EIF4G3: variants seen among roughly 807,000 people sequenced by gnomAD.
The protein encoded by EIF4G3 is eIF-4-gamma 3.
Under a neutral mutation model 186.4 loss-of-function variants are expected in EIF4G3, and 34 were observed. The observed-to-expected ratio is 0.18, with a 90% CI of 0.14 to 0.24. The LOEUF (loss-of-function observed/expected upper bound fraction) is 0.24, where lower values mean the gene tolerates loss of function less well. Ranked by LOEUF, EIF4G3 falls within the 10% of genes least tolerant of loss-of-function variation. EIF4G3 has a pLI of 1.00. For missense variants in EIF4G3, 1,536 were observed against 1,948.5 expected (o/e 0.79, Z 3.99); for synonymous variants, 673 against 679.5 (o/e 0.99, Z 0.15).
intron 27 of EIF4G3, among the ~76,000 whole-genome samples, chr1:20,851,952 AAGTAGC>A (rs2073422342): frequency 6.6e-6 from 1 of 152,196 alleles, no homozygotes; most frequent in African/African-American, 2.4e-5. Context: ...TGCGAGGAGG[AAGTAGC>A]AGTGAGCCAA....
At chr1:20,861,578 GTATTT>G (rs2076350115) in intron 23 of EIF4G3, among the ~76,000 whole-genome samples, 1 of 151,972 alleles carries the variant, frequency 6.6e-6, no homozygotes, top group Non-Finnish European at 1.5e-5. Context: ...AGAGTTAAAG[GTATTT>G]ACTGTGGAGA....
At chr1:20,829,117 T>C (rs774567150) in intron 31 of EIF4G3, 30 bp downstream of exon 31, 4 of 1,611,288 alleles carry the variant, frequency 2.5e-6, no homozygotes, top group Middle Eastern at 3.3e-4. Flanking sequence ...TTCTACCTGA[T>C]ATATATCAAG....
intron 12 of EIF4G3, among the ~76,000 whole-genome samples, chr1:20,953,768 C>T (rs2096305008): frequency 6.6e-6 from 1 of 152,118 alleles, no homozygotes; most frequent in Non-Finnish European, 1.5e-5. Context: ...TTTTGTACTG[C>T]CCACAAGGTA....
chr1:20,916,573 C>T (rs766553676), intron 14 of EIF4G3, among the ~76,000 whole-genome samples: 10 of 151,670 alleles, frequency 6.6e-5, no homozygotes, highest in Non-Finnish European at 1.2e-4. Context: ...TTTCAACTGT[C>T]TTTTTTTTGC....
chr1:20,816,893 T>C (rs373121257), intron 34 of EIF4G3, among the ~76,000 whole-genome samples: 213 of 117,276 alleles, frequency 1.8e-3, no homozygotes, highest in Middle Eastern at 7.9e-3. Flanking sequence ...TTTTGTTCTG[T>C]ACTAAGAAAA....
intron 2 of EIF4G3, among the ~76,000 whole-genome samples, chr1:21,151,503 G>T (rs2102810104): frequency 6.6e-6 from 1 of 151,992 alleles, no homozygotes; most frequent in Middle Eastern, 3.4e-3. Context: ...CTCACAAAGT[G>T]CTGGGATTAC....
chr1:20,835,534 G>A (rs1385160788), intron 30 of EIF4G3, among the ~76,000 whole-genome samples: 1 of 151,572 alleles, frequency 6.6e-6, no homozygotes, highest in Admixed American at 6.6e-5. Context: ...TGAAAGAGGA[G>A]ATATTACAAC....
chr1:21,173,874 C>T (rs1397804274), intron 2 of EIF4G3, among the ~76,000 whole-genome samples: 1 of 152,176 alleles, frequency 6.6e-6, no homozygotes, highest in Admixed American at 6.5e-5. Context: ...AATACAAATT[C>T]CCATACTCCC....
chr1:21,034,541 A>G (rs1012087558), intron 4 of EIF4G3, among the ~76,000 whole-genome samples: 1 of 152,250 alleles, frequency 6.6e-6, no homozygotes, highest in Admixed American at 6.5e-5. Flanking sequence ...ATTTATCACT[A>G]TAAAACAGAA....
At position 20,816,098 on chromosome 1, in the gene EIF4G3, T is replaced by TG. The variant is rs542594807; in HGVS notation, c.4515+1293dup. Among the ~76,000 whole-genome samples, 328 of 92,120 alleles carry TG rather than the reference T, an allele frequency of 3.6e-3. 2 individuals carry two copies. The highest frequency in any genetic ancestry group is 4.3e-3 in the Non-Finnish European group (194 of 45,446). 60.4% of individuals were successfully genotyped at this position (92,120 alleles called of 152,430 possible). ...CCAGCCGCCCCGTCCGGAAGGGAGGTGGGGGGATCAGCCCCCCGCCCGGCC... is the reference window on the plus strand; with the variant it reads ...CCAGCCGCCCCGTCCGGAAGGGAGGTGGGGGGGATCAGCCCCCCGCCCGGCC... On this transcript the variant is annotated intron_variant, in intron 34 of 36. Coordinates refer to ENST00000602326, the MANE Select transcript of EIF4G3 (RefSeq NM_001391906.1).
At chr1:20,888,278 A>C (rs903597921) in intron 18 of EIF4G3, among the ~76,000 whole-genome samples, 2 of 152,210 alleles carry the variant, frequency 1.3e-5, no homozygotes, top group Admixed American at 1.3e-4. Context: ...AAGGAAAAAA[A>C]ACTTTGAAAA....
At chr1:20,828,389 C>T (rs1032942781) in intron 31 of EIF4G3, among the ~76,000 whole-genome samples, 1 of 152,030 alleles carries the variant, frequency 6.6e-6, no homozygotes, top group African/African-American at 2.4e-5. Flanking sequence ...ATGGATGAAA[C>T]AGCAAAGGGG....
chr1:21,142,542 A>T (rs938741261), intron 2 of EIF4G3, among the ~76,000 whole-genome samples: 1 of 152,178 alleles, frequency 6.6e-6, no homozygotes, highest in African/African-American at 2.4e-5. Context: ...GGCTAACTAG[A>T]ATACATGCAA....
intron 14 of EIF4G3, among the ~76,000 whole-genome samples, chr1:20,906,999 A>T (rs1208499251): frequency 6.6e-6 from 1 of 152,168 alleles, no homozygotes; most frequent in Non-Finnish European, 1.5e-5. Flanking sequence ...GAAGACAGAG[A>T]GTGACACAGA....
chr1:20,808,957 G>C (rs1342486443), intron 36 of EIF4G3, among the ~76,000 whole-genome samples: 1 of 151,978 alleles, frequency 6.6e-6, no homozygotes, highest in African/African-American at 2.4e-5. Flanking sequence ...ATCAATATTA[G>C]GTTTATCATG....
At chr1:20,937,609 A>G (rs2095557665) in intron 14 of EIF4G3, among the ~76,000 whole-genome samples, 1 of 152,206 alleles carries the variant, frequency 6.6e-6, no homozygotes, top group African/African-American at 2.4e-5. Flanking sequence ...AAATTTAAAT[A>G]ATGGTTTTAT....
At chr1:20,968,549 T>G (rs1193644733) in intron 12 of EIF4G3, among the ~76,000 whole-genome samples, 1 of 152,160 alleles carries the variant, frequency 6.6e-6, no homozygotes, top group Non-Finnish European at 1.5e-5. Flanking sequence ...TCCAGTTTCC[T>G]CTACAATATC....
At chr1:20,861,387 A>G (rs34804176) in intron 23 of EIF4G3, among the ~76,000 whole-genome samples, 2 of 152,104 alleles carry the variant, frequency 1.3e-5, no homozygotes, top group Admixed American at 1.3e-4. Flanking sequence ...AATGAGAAAA[A>G]CAAAAAAACA....
chr1:21,074,827 T>C (rs2095537796), intron 3 of EIF4G3, among the ~76,000 whole-genome samples: 1 of 152,144 alleles, frequency 6.6e-6, no homozygotes, highest in African/African-American at 2.4e-5. Flanking sequence ...TCCTAGGACT[T>C]GGAGAGGCCG....
Sources: gnomAD v4.1 joint callset for allele counts (sites outside exome capture counted in the v4.1 genomes callset) on GRCh38, gnomAD v4.1.1 for gene constraint, MANE v1.5 for transcripts, NCBI Gene and HGNC (gene_info 2026-07-23, HGNC 2026-07-21) for gene names.